Variants in MALRD1 observed in about 807,000 individuals in gnomAD.
MALRD1 encodes the protein MAM and LDL receptor class A domain containing 1, also known as MAM and LDL-receptor class A domain-containing protein 1.
Under a neutral mutation model 242.1 loss-of-function variants are expected in MALRD1, and 247 were observed. The observed-to-expected ratio is 1.02, with a 90% CI of 0.92 to 1.13. MALRD1 has a LOEUF of 1.13. Among genes scored for constraint, MALRD1 ranks in the 50% most tolerant of loss-of-function variants. MALRD1 has a pLI of 0.00. For missense variants in MALRD1, 2,989 were observed against 2,533.1 expected (o/e 1.18, Z -3.86); for synonymous variants, 995 against 866.6 (o/e 1.15, Z -2.60).
At chr10:19,604,574 G>C (rs1421365111) in intron 34 of MALRD1, among the ~76,000 whole-genome samples, 1 of 152,156 alleles carries the variant, frequency 6.6e-6, no homozygotes, top group African/African-American at 2.4e-5. Context: ...CTGAGATGGA[G>C]AAGCTGTACC....
intron 36 of MALRD1, among the ~76,000 whole-genome samples, chr10:19,663,664 A>G (rs1841543278): frequency 6.6e-6 from 1 of 152,144 alleles, no homozygotes; most frequent in African/African-American, 2.4e-5. Context: ...TAGGGGCTGC[A>G]CTCAGCTTCC....
At position 19,708,807 on chromosome 10, in the gene MALRD1, G is replaced by T. The variant is rs143803882; in HGVS notation, c.6314+16253G>T. 3.8e-3 allele frequency among the ~76,000 whole-genome samples: 456 copies of T among 120,824 alleles called. 130 individuals carry two copies. The highest frequency in any genetic ancestry group is 5.1e-3 in the Non-Finnish European group (270 of 52,700). The allele number at this position is 120,824 out of a possible 152,430, so 79.3% of individuals were successfully genotyped here. On this transcript the variant is annotated intron_variant, in intron 38 of 39. Transcript: ENST00000454679. ...CTCCCGAGTACCTGGGACTACAGGC[G>T]CACGCCACCACACCCAGCTAATTTT...
At chr10:19,477,145 A>G (rs1589135094) in intron 29 of MALRD1, among the ~76,000 whole-genome samples, 1 of 152,152 alleles carries the variant, frequency 6.6e-6, no homozygotes, top group African/African-American at 2.4e-5. Flanking sequence ...CAACAATATT[A>G]ATAGAATTTT....
chr10:19,156,283 A>C (rs374694170), intron 12 of MALRD1, among the ~76,000 whole-genome samples: 10 of 151,648 alleles, frequency 6.6e-5, no homozygotes, highest in African/African-American at 2.2e-4. Context: ...TCCTAAAGAT[A>C]CTTTCTTTTC....
intron 21 of MALRD1, among the ~76,000 whole-genome samples, chr10:19,311,276 T>C (rs1186342112): frequency 6.6e-6 from 1 of 151,400 alleles, no homozygotes; most frequent in Admixed American, 6.6e-5. Context: ...TTCATGAGTA[T>C]GTAGGAAGTT....
At position 19,396,666 on chromosome 10, in the gene MALRD1, A is replaced by G. The variant is rs530939708; in HGVS notation, c.4845+7057A>G. 1.3e-4 allele frequency among the ~76,000 whole-genome samples: 20 copies of G among 152,360 alleles called. No individual in the cohort carries two copies. In the East Asian group the frequency reaches 2.9e-3, roughly 22 times the overall value. On this transcript the variant is annotated intron_variant, in intron 28 of 39. Transcript: ENST00000454679. ...CTGCTATTAGAATTTAAAATATTCT[A>G]ATACTCAGGAGTCAGAGAGGTTATT...
chr10:19,235,997 A>G (rs1838301573), intron 18 of MALRD1, among the ~76,000 whole-genome samples: 1 of 152,194 alleles, frequency 6.6e-6, no homozygotes, highest in South Asian at 2.1e-4. Flanking sequence ...TAATAAACAT[A>G]TAGAGATAGC....
chr10:19,619,771 A>C (rs1839321546), intron 36 of MALRD1, among the ~76,000 whole-genome samples: 1 of 152,048 alleles, frequency 6.6e-6, no homozygotes, highest in African/African-American at 2.4e-5. Context: ...CTGATCTGAT[A>C]ATTTGTTCAA....
In MALRD1 at chr10:19,730,505, C is replaced by T. The variant is rs1396338432; in HGVS notation, c.6315-201C>T. 1.1e-5 allele frequency: 7 copies of T among 627,804 alleles called. No individual in the cohort carries two copies. In the African/African-American group the frequency reaches 1.3e-4, roughly 12 times the overall value. The allele number at this position is 627,804 out of a possible 1,614,324, so 38.9% of individuals were successfully genotyped here. A position where few individuals can be genotyped will look rare whatever the true frequency, so the allele number is the denominator to read the frequency against. On this transcript the variant is annotated intron_variant, in intron 38 of 39. Coordinates refer to ENST00000454679, the MANE Select transcript of MALRD1 (RefSeq NM_001142308.3). ...ACACTCAGAGTTCAAATTACATTTG[C>T]TTTCCTGAATGTGGTTGCCTTGGTG...
At chr10:19,692,422 T>C (rs1158328375) in intron 37 of MALRD1, 36 bp from the exon 38 acceptor site, 1 of 1,531,434 alleles carries the variant, frequency 6.5e-7, no homozygotes, top group East Asian at 2.5e-5. Context: ...TATATTTCAC[T>C]GCATATTTAT....
intron 29 of MALRD1, among the ~76,000 whole-genome samples, chr10:19,461,117 G>A (rs1218117962): frequency 4.6e-5 from 7 of 152,132 alleles, no homozygotes; most frequent in African/African-American, 7.2e-5. Flanking sequence ...GGAAGGAAAT[G>A]AATAGATATT....
chr10:19,209,479 C>G lies in MALRD1; in HGVS notation c.2790C>G (p.Ser930Arg). 1 of 1,550,810 alleles carries G rather than the reference C, an allele frequency of 6.4e-7. No homozygotes were observed. Among genetic ancestry groups the G allele is most frequent in the Non-Finnish European group, 8.7e-7 (1 of 1,147,028 alleles). ...QAFQDSAALL[S>R]PILNATDTKG... The stretch of plus-strand genomic sequence containing the variant: ...TTCAAGACAGTGCTGCCTTACTCAG[C>G]CCAATCCTTAATGCCACTGATACAA... Residue 930 changes from serine to arginine, a missense_variant, in exon 18 of 40, where the codon AGC becomes AGG. Physicochemically the swap from Ser to Arg is moderately radical, Grantham distance 110. Transcript: ENST00000454679.
intron 21 of MALRD1, among the ~76,000 whole-genome samples, chr10:19,302,683 A>T (rs1842005797): frequency 6.6e-6 from 1 of 151,738 alleles, no homozygotes; most frequent in African/African-American, 2.4e-5. Flanking sequence ...TTTAATAGAG[A>T]TTGACAACTC....
chr10:19,512,116 G>A (rs1368283773), intron 31 of MALRD1, among the ~76,000 whole-genome samples: 2 of 152,002 alleles, frequency 1.3e-5, no homozygotes, highest in African/African-American at 4.8e-5. Context: ...TGGGGCTCAG[G>A]GGCAGTCTTT....
intron 36 of MALRD1, among the ~76,000 whole-genome samples, chr10:19,620,136 G>C (rs1839337569): frequency 6.6e-6 from 1 of 151,918 alleles, no homozygotes; most frequent in Admixed American, 6.6e-5. Flanking sequence ...AGAAATCAAA[G>C]TGTTAGTTTA....
chr10:19,181,353 G>A (rs12250525), intron 14 of MALRD1, among the ~76,000 whole-genome samples: 45,699 of 151,970 alleles, frequency 0.3, 7,198 homozygotes, highest in Admixed American at 0.37. Flanking sequence ...GGTATCTAAA[G>A]AAACAGTGGA....
intron 5 of MALRD1, among the ~76,000 whole-genome samples, chr10:19,113,537 C>T (rs1314771822): frequency 6.6e-6 from 1 of 151,742 alleles, no homozygotes; most frequent in Non-Finnish European, 1.5e-5. Context: ...CTCTGTCCTC[C>T]TCCTACATTT....
chr10:19,501,075 C>T (rs147802268), intron 31 of MALRD1, among the ~76,000 whole-genome samples: 2 of 152,190 alleles, frequency 1.3e-5, no homozygotes, highest in African/African-American at 2.4e-5. Context: ...GGAGGATGGC[C>T]TGTAAATAGG....
Position 19,650,769 on chromosome 10 carries a change from T to C in MALRD1, c.6137+34846T>C, listed in dbSNP as rs11010933. On this transcript the variant is annotated intron_variant, in intron 36 of 39. Transcript: ENST00000454679. ...TTTAATACGTCTTAACATTCCAGATTTCCAACCAGTTCTCAAGCACCTTTC... is the reference window on the plus strand; with the variant it reads ...TTTAATACGTCTTAACATTCCAGATCTCCAACCAGTTCTCAAGCACCTTTC... 4.0e-4 allele frequency among the ~76,000 whole-genome samples: 61 copies of C among 152,308 alleles called. 2 individuals are homozygous for C. In the East Asian group the frequency reaches 0.011, roughly 28 times the overall value.
Sources: allele counts gnomAD v4.1 joint callset (sites outside exome capture counted in the v4.1 genomes callset), GRCh38; gene constraint gnomAD v4.1.1; transcripts MANE v1.5; gene names NCBI Gene and HGNC (gene_info 2026-07-23, HGNC 2026-07-21).